The following COL25A1 variants were observed in gnomAD, a reference collection of about 807,000 sequenced individuals.
COL25A1 encodes collagen type XXV alpha 1 chain.
In COL25A1, 103 loss-of-function variants were observed where a neutral mutation model predicts 128.4. The observed-to-expected ratio is 0.80, with a 90% confidence interval of 0.68 to 0.94. The LOEUF is 0.94. COL25A1 is among the 40% of genes least tolerant of loss of function. The pLI is 0.00. For synonymous variants in COL25A1, 279 were observed against 277.2 expected (o/e 1.01, Z -0.06); for missense variants, 745 against 840.0 (o/e 0.89, Z 1.40).
chr4:108,877,065 T>C (rs1187457926), intron 19 of COL25A1, among the ~76,000 whole-genome samples: 2 of 152,212 alleles, frequency 1.3e-5, no homozygotes, highest in Non-Finnish European at 2.9e-5. Flanking sequence ...AAGCACAGTG[T>C]AGGCCTGACA....
At chr4:108,941,485 T>C in intron 8 of COL25A1, 48 bp from the exon 9 acceptor site, 1 of 1,383,168 alleles carries the variant, frequency 7.2e-7, no homozygotes, top group Non-Finnish European at 1.0e-6. Flanking sequence ...GATGAGAGAG[T>C]TGAAGAATAG....
chr4:108,874,331 C>G (rs1366603543), intron 19 of COL25A1, among the ~76,000 whole-genome samples: 4 of 152,054 alleles, frequency 2.6e-5, no homozygotes, highest in Admixed American at 2.6e-4. Flanking sequence ...ATGAATGGGA[C>G]ATAGGAGAGT....
chr4:108,951,108 T>C (rs554710142), intron 8 of COL25A1, among the ~76,000 whole-genome samples: 66 of 152,322 alleles, frequency 4.3e-4, no homozygotes, highest in Admixed American at 4.2e-3. Flanking sequence ...AAGGTGAGTT[T>C]GGCTGTGGTG....
At chr4:108,990,239 A>AT (rs1197684031) in intron 6 of COL25A1, among the ~76,000 whole-genome samples, 3 of 26,360 alleles carry the variant, frequency 1.1e-4, no homozygotes, top group Non-Finnish European at 1.9e-4. Context: ...AAAAAAAAAA[A>AT]ATATATATAT....
At chr4:109,072,474 C>G (rs1020508018) in intron 3 of COL25A1, among the ~76,000 whole-genome samples, 2 of 152,146 alleles carry the variant, frequency 1.3e-5, no homozygotes, top group African/African-American at 4.8e-5. Flanking sequence ...TTACTATTAT[C>G]ATTGATGTTT....
chr4:109,056,618 C>A (rs145940149), intron 3 of COL25A1, among the ~76,000 whole-genome samples: 1 of 143,774 alleles, frequency 7.0e-6, no homozygotes, highest in African/African-American at 2.7e-5. Context: ...CAATAAAGCC[C>A]ATGGAAGGTA....
At chr4:109,147,866 A>T (rs2126096522) in intron 3 of COL25A1, among the ~76,000 whole-genome samples, 1 of 152,230 alleles carries the variant, frequency 6.6e-6, no homozygotes. Flanking sequence ...CATATTTAAA[A>T]ATGAGAATGT....
chr4:109,197,444 T>C (rs865921015), intron 3 of COL25A1, among the ~76,000 whole-genome samples: 14 of 118,194 alleles, frequency 1.2e-4, no homozygotes, highest in Middle Eastern at 8.3e-3. Flanking sequence ...TTATATATTA[T>C]ATATATTATA....
At position 109,288,066 on chromosome 4, in the gene COL25A1, CA is replaced by C. The variant is rs1036002048; in HGVS notation, c.367+12516del. On this transcript the variant is annotated intron_variant, in intron 3 of 37. Transcript: ENST00000399132. Reference sequence around the variant, plus strand: ...TATCTGAAGTCAAAGCCAGGAGGGCCAAAATAGCAGCGTAAAATCCCAGAGG... The same window carrying C: ...TATCTGAAGTCAAAGCCAGGAGGGCCAAATAGCAGCGTAAAATCCCAGAGG... Among the ~76,000 whole-genome samples the C allele has an allele frequency of 5.9e-5, 9 of 152,066 alleles. No individual in the cohort carries two copies. The South Asian group carries it at 6.2e-4, about 11-fold the overall frequency.
At chr4:109,053,089 G>C (rs1761135329) in intron 3 of COL25A1, among the ~76,000 whole-genome samples, 1 of 152,064 alleles carries the variant, frequency 6.6e-6, no homozygotes, top group Non-Finnish European at 1.5e-5. Context: ...AACAGAGGAA[G>C]TGAAAACTTA....
At chr4:109,153,381 C>CA (rs34880736) in intron 3 of COL25A1, among the ~76,000 whole-genome samples, 2,853 of 115,900 alleles carry the variant, frequency 0.025, 74 homozygotes, top group South Asian at 0.13. Flanking sequence ...AGCTCCATCT[C>CA]AAAAAAAAAA....
intron 3 of COL25A1, among the ~76,000 whole-genome samples, chr4:109,173,337 C>G (rs1234664109): frequency 6.6e-6 from 1 of 152,152 alleles, no homozygotes; most frequent in East Asian, 1.9e-4. Context: ...ATGCTCCAGC[C>G]TCAGCCTCCC....
intron 3 of COL25A1, among the ~76,000 whole-genome samples, chr4:109,191,954 TAA>T (rs934354781): frequency 6.6e-6 from 1 of 152,138 alleles, no homozygotes; most frequent in African/African-American, 2.4e-5. Context: ...GAAATAAAAT[TAA>T]GTGCAACAGG....
intron 10 of COL25A1, among the ~76,000 whole-genome samples, chr4:108,938,889 T>C (rs542411742): frequency 3.3e-5 from 5 of 152,308 alleles, no homozygotes; most frequent in East Asian, 3.9e-4. Flanking sequence ...GCAGTCATCA[T>C]AGTATATATA....
intron 5 of COL25A1, among the ~76,000 whole-genome samples, chr4:109,032,974 G>C (rs1759008934): frequency 6.6e-6 from 1 of 152,198 alleles, no homozygotes; most frequent in Non-Finnish European, 1.5e-5. Context: ...GTAGGCCAAG[G>C]TAGACATTTG....
Position 108,913,104 on chromosome 4 carries a change from C to T in COL25A1, c.780+5068G>A, listed in dbSNP as rs547141934. Among the ~76,000 whole-genome samples, 3 of 151,998 alleles carry T rather than the reference C, an allele frequency of 2.0e-5. No homozygotes were observed. The South Asian group carries it at 6.2e-4, about 32-fold the overall frequency. ...TTTTTTTTGGAAACAATCCCTATGACTCTGCAGGCCTCAGAAAAATTCTAG... is the reference window on the plus strand; with the variant it reads ...TTTTTTTTGGAAACAATCCCTATGATTCTGCAGGCCTCAGAAAAATTCTAG... On this transcript the variant is annotated intron_variant, in intron 13 of 37. Coordinates refer to ENST00000399132, the MANE Select transcript of COL25A1 (RefSeq NM_198721.4).
At chr4:109,092,228 C>T (rs1764978254) in intron 3 of COL25A1, among the ~76,000 whole-genome samples, 1 of 152,212 alleles carries the variant, frequency 6.6e-6, no homozygotes. Flanking sequence ...GTAATCTCAG[C>T]ACTTTGGGAG....
intron 3 of COL25A1, among the ~76,000 whole-genome samples, chr4:109,254,862 T>C (rs990578199): frequency 6.6e-6 from 1 of 152,192 alleles, no homozygotes; most frequent in Non-Finnish European, 1.5e-5. Flanking sequence ...GACTTCTGTA[T>C]GTCTCTAGAT....
chr4:109,156,896 T>C (rs915917702), intron 3 of COL25A1, among the ~76,000 whole-genome samples: 1 of 152,226 alleles, frequency 6.6e-6, no homozygotes, highest in Non-Finnish European at 1.5e-5. Context: ...ATGTCTGTGA[T>C]CCAACAAAAC....
Sources: allele counts gnomAD v4.1 joint callset (sites outside exome capture counted in the v4.1 genomes callset), GRCh38; gene constraint gnomAD v4.1.1; transcripts MANE v1.5; gene names NCBI Gene and HGNC (gene_info 2026-07-23, HGNC 2026-07-21).